Variants in SLC25A21 observed in about 807,000 individuals in gnomAD.
SLC25A21 encodes solute carrier family 25 member 21.
Under a neutral mutation model 43.8 loss-of-function variants are expected in SLC25A21, and 47 were observed. That is an observed-to-expected ratio of 1.07 (90% CI 0.85 to 1.37). SLC25A21 has a LOEUF of 1.37. SLC25A21 is among the 40% of genes most tolerant of loss of function. The pLI, the probability that SLC25A21 is intolerant of heterozygous loss-of-function variation, is 0.00. For missense variants in SLC25A21, 352 were observed against 350.2 expected (o/e 1.00, Z -0.04); for synonymous variants, 131 against 121.3 (o/e 1.08, Z -0.52).
intron 2 of SLC25A21, among the ~76,000 whole-genome samples, chr14:36,841,685 T>C (rs539805651): frequency 3.3e-5 from 5 of 152,320 alleles, no homozygotes; most frequent in South Asian, 4.1e-4. Flanking sequence ...CTTCCGCCTA[T>C]GCATACCTTG....
chr14:36,807,124 A>G (rs1888067580), intron 3 of SLC25A21: 1 of 152,266 alleles, frequency 6.6e-6, no homozygotes, highest in African/African-American at 2.4e-5. Flanking sequence ...AACTCAATCA[A>G]CACCCAATAA....
chr14:36,818,449 A>G (rs1888525635), intron 2 of SLC25A21, among the ~76,000 whole-genome samples: 1 of 152,214 alleles, frequency 6.6e-6, no homozygotes, highest in African/African-American at 2.4e-5. Flanking sequence ...ACTGTGTTGC[A>G]TGAGCAATGC....
intron 1 of SLC25A21, among the ~76,000 whole-genome samples, chr14:37,000,814 C>T (rs1213137826): frequency 6.6e-6 from 1 of 152,080 alleles, no homozygotes; most frequent in South Asian, 2.1e-4. Flanking sequence ...GCCTCGCTCT[C>T]CCTGCTCCCA....
At chr14:36,820,651 GCA>G (rs1158504713) in intron 2 of SLC25A21, among the ~76,000 whole-genome samples, 1 of 152,216 alleles carries the variant, frequency 6.6e-6, no homozygotes, top group Non-Finnish European at 1.5e-5. Context: ...AGGGAAAGCA[GCA>G]CACAGACTTA....
At chr14:36,894,686 T>C (rs1191169613) in intron 1 of SLC25A21, among the ~76,000 whole-genome samples, 1 of 152,196 alleles carries the variant, frequency 6.6e-6, no homozygotes, top group Non-Finnish European at 1.5e-5. Context: ...TTGTCATAGA[T>C]AGCTCCTATT....
intron 1 of SLC25A21, among the ~76,000 whole-genome samples, chr14:36,969,035 C>T (rs187245218): frequency 1.3e-5 from 2 of 152,044 alleles, no homozygotes; most frequent in African/African-American, 2.4e-5. Flanking sequence ...TATGAAGTTG[C>T]GGAGACATAA....
At chr14:36,766,760 C>A (rs906206299) in intron 3 of SLC25A21, among the ~76,000 whole-genome samples, 1 of 152,090 alleles carries the variant, frequency 6.6e-6, no homozygotes, top group Non-Finnish European at 1.5e-5. Flanking sequence ...TCGCCCCAAC[C>A]GGAAACTGAC....
chr14:36,977,025 T>C (rs976131041), intron 1 of SLC25A21, among the ~76,000 whole-genome samples: 3 of 152,158 alleles, frequency 2.0e-5, no homozygotes, highest in Non-Finnish European at 2.9e-5. Context: ...AACCATAAGT[T>C]TTCTCTCTGT....
intron 1 of SLC25A21, among the ~76,000 whole-genome samples, chr14:37,103,523 A>G (rs945724861): frequency 2.0e-5 from 3 of 152,210 alleles, no homozygotes; most frequent in Non-Finnish European, 4.4e-5. Context: ...ATTTTTCTAT[A>G]TTTTGAAAAT....
chr14:37,049,440 T>C (rs1414706395), intron 1 of SLC25A21, among the ~76,000 whole-genome samples: 1 of 151,954 alleles, frequency 6.6e-6, no homozygotes, highest in Non-Finnish European at 1.5e-5. Context: ...GGCATGGTGG[T>C]GTGTGCCTAC....
rs150241882 is a variant in SLC25A21, at chr14:36,678,383, A to G, written c.*2275T>C. The G allele has an allele frequency of 1.6e-4, 166 of 1,037,664 alleles. No individual in the cohort carries two copies. In the African/African-American group the frequency reaches 1.7e-3, roughly 10 times the overall value. 64.3% of individuals were successfully genotyped at this position (1,037,664 alleles called of 1,614,324 possible). ...AATTCAGTGCTACAAATAGAGGATT[A>G]TAACTTCAGGAGAAGAATAAGCAGA... On this transcript the variant is annotated 3_prime_UTR_variant, in exon 10 of 10. Coordinates refer to ENST00000331299, the MANE Select transcript of SLC25A21 (RefSeq NM_030631.4).
At chr14:36,844,697 T>C (rs571969418) in intron 2 of SLC25A21, among the ~76,000 whole-genome samples, 3 of 152,260 alleles carry the variant, frequency 2.0e-5, no homozygotes, top group Admixed American at 6.5e-5. Context: ...ACCATGTAAA[T>C]AGAAGGCTTC....
intron 3 of SLC25A21, among the ~76,000 whole-genome samples, chr14:36,812,358 G>T (rs1053171836): frequency 2.6e-5 from 4 of 151,820 alleles, no homozygotes; most frequent in African/African-American, 9.7e-5. Context: ...AGGTAAGTTT[G>T]TCAACATCTG....
rs1566524943 is a variant in SLC25A21 at position 36,711,171 on chromosome 14, C to T, written c.603+147G>A. The T allele has an allele frequency of 2.4e-5, 17 of 702,954 alleles. No homozygotes were observed. In the South Asian group the frequency reaches 3.3e-4, roughly 14 times the overall value. 43.5% of individuals were successfully genotyped at this position (702,954 alleles called of 1,614,324 possible). Reference sequence around the variant, plus strand: ...ACTTCTGGATTTGAAGCAGGGATAACAGCACTCAATGCAGATGTAAGGATC... The same window carrying T: ...ACTTCTGGATTTGAAGCAGGGATAATAGCACTCAATGCAGATGTAAGGATC... On this transcript the variant is annotated intron_variant, in intron 7 of 9. Transcript: ENST00000331299.
intron 1 of SLC25A21, among the ~76,000 whole-genome samples, chr14:36,923,572 T>G (rs1052942754): frequency 6.6e-6 from 1 of 152,160 alleles, no homozygotes; most frequent in Non-Finnish European, 1.5e-5. Context: ...AACAATAGAC[T>G]TTTTAAAGCA....
In SLC25A21 at chr14:36,792,628, T is replaced by G. The variant is rs149576370; in HGVS notation, c.203+21290A>C. On this transcript the variant is annotated intron_variant, in intron 3 of 9. Transcript: ENST00000331299. ...ATCTAGCTAATGACTCCCTGAAAAA[T>G]CTCAAATTGCACACATTAAGTGGAT... Among the ~76,000 whole-genome samples, 361 of 152,212 alleles carry G rather than the reference T, an allele frequency of 2.4e-3. 1 individual carries two copies. Among genetic ancestry groups the G allele is most frequent in the South Asian group, 1.0e-2 (48 of 4,824 alleles).
At chr14:36,777,966 T>A (rs1030701113) in intron 3 of SLC25A21, among the ~76,000 whole-genome samples, 2 of 152,180 alleles carry the variant, frequency 1.3e-5, no homozygotes, top group African/African-American at 4.8e-5. Context: ...AGTCATTATC[T>A]TTCAACTGCC....
At chr14:36,862,548 G>C (rs1890098580) in intron 2 of SLC25A21, among the ~76,000 whole-genome samples, 1 of 152,134 alleles carries the variant, frequency 6.6e-6, no homozygotes, top group Non-Finnish European at 1.5e-5. Context: ...TCATAAGTGG[G>C]AGCTGAACAA....
chr14:36,866,129 G>C (rs1459661829), intron 2 of SLC25A21, among the ~76,000 whole-genome samples: 1 of 152,002 alleles, frequency 6.6e-6, no homozygotes, highest in Non-Finnish European at 1.5e-5. Flanking sequence ...TGAGGTATTT[G>C]ACACGGGGTT....
Sources: gnomAD v4.1 joint callset for allele counts (sites outside exome capture counted in the v4.1 genomes callset) on GRCh38, gnomAD v4.1.1 for gene constraint, MANE v1.5 for transcripts, NCBI Gene and HGNC (gene_info 2026-07-23, HGNC 2026-07-21) for gene names.